The following GTF3C6 variants were observed in gnomAD, a reference collection of about 807,000 sequenced individuals.
GTF3C6 encodes the protein general transcription factor IIIC subunit 6, also known as general transcription factor 3C polypeptide 6.
In GTF3C6, 11 loss-of-function variants were observed where a neutral mutation model predicts 19.2. That is an observed-to-expected ratio of 0.57 (90% CI 0.36 to 0.95). GTF3C6 has a LOEUF of 0.95. GTF3C6 is among the 40% of genes least tolerant of loss of function. The pLI is 0.01. For synonymous variants in GTF3C6, 87 were observed against 84.2 expected (o/e 1.03, Z -0.18); for missense variants, 222 against 254.7 (o/e 0.87, Z 0.87).
intron 5 of GTF3C6, among the ~76,000 whole-genome samples, chr6:110,966,126 T>C (rs1415301911): frequency 1.3e-5 from 2 of 152,158 alleles, no homozygotes; most frequent in Non-Finnish European, 2.9e-5. Context: ...TCAGATAAAG[T>C]ATTCCAAGAA....
In GTF3C6 at chr6:110,958,817, G is replaced by A. The variant is rs762711711; in HGVS notation, c.48G>A (p.Glu16=). ...DERSPEDGED[E]EEEEQLVLVE... ...GGAGTCCAGAGGACGGAGAAGACGA[G>A]GAAGAGGAGGTAGTAAGCGCTACGC... The change falls in exon 1 of 6, where the codon GAG becomes GAA. Residue 16 remains glutamate, a synonymous_variant. Transcript: ENST00000329970. 176 of 1,551,124 alleles carry A rather than the reference G, an allele frequency of 1.1e-4. 1 individual carries two copies. The Middle Eastern group carries it at 1.2e-3, about 10-fold the overall frequency.
intron 5 of GTF3C6, among the ~76,000 whole-genome samples, chr6:110,963,740 C>G (rs1771193846): frequency 6.9e-6 from 1 of 144,190 alleles, no homozygotes; most frequent in South Asian, 2.2e-4. Flanking sequence ...CTCGCTCTGT[C>G]ACTCAGGCTG....
chr6:110,959,428 G>T (rs756413930), intron 2 of GTF3C6, among the ~76,000 whole-genome samples, 176 bp downstream of exon 2: 8 of 152,322 alleles, frequency 5.3e-5, no homozygotes, highest in Middle Eastern at 3.4e-3. Flanking sequence ...TAAGTATAAT[G>T]TAGAAGTACA....
chr6:110,958,922 G>A, intron 1 of GTF3C6, 96 bp downstream of exon 1: 2 of 1,367,778 alleles, frequency 1.5e-6, no homozygotes, highest in Non-Finnish European at 2.0e-6. Context: ...CGGGCCGGAG[G>A]GAGGCCCCAC....
At chr6:110,964,895 C>T (rs145343805) in intron 5 of GTF3C6, among the ~76,000 whole-genome samples, 3,709 of 146,390 alleles carry the variant, frequency 0.025, 140 homozygotes, top group African/African-American at 0.091. Context: ...TACAGTAGTG[C>T]GATCTCGGCT....
chr6:110,959,198 AG>A lies in GTF3C6; in HGVS notation c.86del (p.Gly29GlufsTer42). The A allele has an allele frequency of 6.2e-7, 1 of 1,612,810 alleles. No homozygotes were observed. The highest frequency in any genetic ancestry group is 8.5e-7 in the Non-Finnish European group (1 of 1,178,894). Reference sequence around the variant, plus strand: ...AGCAGTTGGTTCTGGTGGAATTATCAGGAATTATTGATTCAGACTTCCTCTC... The same window carrying A: ...AGCAGTTGGTTCTGGTGGAATTATCAGAATTATTGATTCAGACTTCCTCTC... ...EEQLVLVELSGIIDSDFLSKC... is the reference protein window; with the variant it reads ...EEQLVLVELSXIIDSDFLSKC... On this transcript the variant is annotated frameshift_variant, in exon 2 of 6. Coordinates refer to ENST00000329970, the MANE Select transcript of GTF3C6 (RefSeq NM_138408.4). LOFTEE classifies it high-confidence loss of function.
rs1040870551 is a variant in GTF3C6, at chr6:110,967,546, T to C, written c.398T>C (p.Phe133Ser). 3 of 1,613,646 alleles carry C rather than the reference T, an allele frequency of 1.9e-6. No homozygotes were observed. In the African/African-American group the frequency reaches 4.0e-5, roughly 22 times the overall value. ...VEWLQIKDNDFSYRPNMICNF... is the reference protein window; with the variant it reads ...VEWLQIKDNDSSYRPNMICNF... ...TGGCTGCAAATAAAGGATAATGATT[T>C]CTCCTATCGACCCAACATGATTTGT... Residue 133 changes from phenylalanine (F) to serine (S), a missense_variant, in exon 6 of 6, where the codon TTC becomes TCC. Coordinates refer to ENST00000329970, the MANE Select transcript of GTF3C6 (RefSeq NM_138408.4).
chr6:110,958,930 C>T, intron 1 of GTF3C6, 104 bp downstream of exon 1: 1 of 1,277,178 alleles, frequency 7.8e-7, no homozygotes, highest in Non-Finnish European at 1.1e-6. Flanking sequence ...AGGGAGGCCC[C>T]ACTGCTCCTC....
At chr6:110,961,269 G>A (rs1400061448) in intron 4 of GTF3C6, among the ~76,000 whole-genome samples, 2 of 151,548 alleles carry the variant, frequency 1.3e-5, no homozygotes, top group Non-Finnish European at 1.5e-5. Context: ...TCCTGCCTCA[G>A]CCTCCCGAGT....
At chr6:110,964,036 A>G (rs1771197223) in intron 5 of GTF3C6, among the ~76,000 whole-genome samples, 1 of 151,908 alleles carries the variant, frequency 6.6e-6, no homozygotes, top group Admixed American at 6.6e-5. Flanking sequence ...AGACTGTAGG[A>G]CCACAGTTGT....
intron 1 of GTF3C6, 98 bp from the exon 2 acceptor site, chr6:110,959,074 T>C (rs1265852966): frequency 2.1e-6 from 2 of 947,378 alleles, no homozygotes; most frequent in African/African-American, 1.6e-5. Flanking sequence ...GAAAACAGGG[T>C]CCGGTTTTCA....
intron 1 of GTF3C6, 50 bp downstream of exon 1, chr6:110,958,876 T>C (rs1482098070): frequency 2.6e-6 from 4 of 1,532,556 alleles, no homozygotes; most frequent in Non-Finnish European, 3.5e-6. Flanking sequence ...GTGATGCCTG[T>C]GCTGGCTGTG....
At chr6:110,959,317 T>G (rs1285780314) in intron 2 of GTF3C6, 65 bp downstream of exon 2, 11 of 941,676 alleles carry the variant, frequency 1.2e-5, no homozygotes, top group Non-Finnish European at 1.9e-5. Context: ...GAATCAATGG[T>G]GAAATACCTA....
Position 110,961,755 on chromosome 6 carries a change from C to T in GTF3C6, c.248-637C>T, listed in dbSNP as rs569045686. 3.3e-4 allele frequency among the ~76,000 whole-genome samples: 50 copies of T among 152,264 alleles called. 1 individual carries two copies. In the South Asian group the frequency reaches 9.9e-3, roughly 30 times the overall value. ...ATTGGTAGAATTTTAGATCCCAATA[C>T]GCTGTAGGGTAAAATTCCTGGCCCC... On this transcript the variant is annotated intron_variant, in intron 4 of 5. Coordinates refer to ENST00000329970, the MANE Select transcript of GTF3C6 (RefSeq NM_138408.4).
At chr6:110,961,204 G>A (rs1446738829) in intron 4 of GTF3C6, among the ~76,000 whole-genome samples, 1 of 149,942 alleles carries the variant, frequency 6.7e-6, no homozygotes, top group East Asian at 2.0e-4. Flanking sequence ...AGGCTGGAGT[G>A]CAGTGGTGCA....
At position 110,959,230 on chromosome 6, in the gene GTF3C6, G is replaced by A. The variant is rs1283515357; in HGVS notation, c.116G>A (p.Cys39Tyr). 6.2e-7 allele frequency: 1 copy of A among 1,611,030 alleles called. No homozygotes were observed. Among genetic ancestry groups the A allele is most frequent in the Non-Finnish European group, 8.5e-7 (1 of 1,177,330 alleles). ...ATTGATTCAGACTTCCTCTCAAAATGTGAAAATAAATGCAAGGTTTTGGTG... is the reference window on the plus strand; with the variant it reads ...ATTGATTCAGACTTCCTCTCAAAATATGAAAATAAATGCAAGGTTTTGGTG... The part of the protein sequence containing the change: ...GIIDSDFLSK[C>Y]ENKCKVLGID... Residue 39 changes from cysteine to tyrosine, a missense_variant, in exon 2 of 6, where the codon TGT (cysteine) becomes TAT (tyrosine). Cys to Tyr is a radical substitution (Grantham distance 194, BLOSUM62 -2). Coordinates refer to ENST00000329970, the MANE Select transcript of GTF3C6 (RefSeq NM_138408.4).
At chr6:110,959,551 C>A (rs10499058) in intron 2 of GTF3C6, among the ~76,000 whole-genome samples, 37,699 of 151,920 alleles carry the variant, frequency 0.25, 5,406 homozygotes, top group East Asian at 0.65. Flanking sequence ...GATATGGAAC[C>A]GTACATATAT....
intron 4 of GTF3C6, among the ~76,000 whole-genome samples, chr6:110,961,402 C>T (rs1173290679): frequency 2.6e-5 from 4 of 152,082 alleles, no homozygotes; most frequent in Non-Finnish European, 2.9e-5. Flanking sequence ...CTGCCTGCCT[C>T]GGCCTCTCAA....
At chr6:110,959,021 AAGT>A in intron 1 of GTF3C6, 148 bp from the exon 2 acceptor site, 1 of 806,302 alleles carries the variant, frequency 1.2e-6, no homozygotes, top group Non-Finnish European at 2.1e-6. Flanking sequence ...TTGGGATGGG[AAGT>A]ACCGGGAAGT....
Sources: allele counts gnomAD v4.1 joint callset (sites outside exome capture counted in the v4.1 genomes callset), GRCh38; gene constraint gnomAD v4.1.1; transcripts MANE v1.5; gene names NCBI Gene and HGNC (gene_info 2026-07-23, HGNC 2026-07-21).